The following GRIN2A variants were observed in gnomAD, a reference collection of about 807,000 sequenced individuals.
GRIN2A encodes the protein glutamate ionotropic receptor NMDA type subunit 2A, also known as glutamate receptor ionotropic, NMDA 2A.
A neutral mutation model predicts 113.4 loss-of-function variants in GRIN2A; 22 were observed. That is an observed-to-expected ratio of 0.19 (90% CI 0.14 to 0.28). The LOEUF is 0.28. GRIN2A is among the 10% of genes least tolerant of loss of function. The pLI is 1.00. For missense variants in GRIN2A, 1,502 were observed against 1,887.0 expected, an observed-to-expected ratio of 0.80 and a Z score of 3.78; for synonymous variants, 827 against 738.4, an observed-to-expected ratio of 1.12 and a Z score of -1.94.
intron 2 of GRIN2A, chr16:9,970,686 C>G (rs1042374949): frequency 1.6e-5 from 10 of 638,938 alleles, no homozygotes; most frequent in Non-Finnish European, 1.8e-5. Flanking sequence ...CTCTGATGAG[C>G]TAGACACAAA....
intron 2 of GRIN2A, among the ~76,000 whole-genome samples, chr16:9,966,032 A>C (rs189597746): frequency 6.6e-6 from 1 of 152,314 alleles, no homozygotes; most frequent in East Asian, 1.9e-4. Flanking sequence ...CCAGAATCTG[A>C]ATTTTAACTA....
intron 2 of GRIN2A, among the ~76,000 whole-genome samples, chr16:10,018,620 A>ATG (rs2046653297): frequency 6.6e-6 from 1 of 152,140 alleles, no homozygotes; most frequent in Admixed American, 6.5e-5. Flanking sequence ...CCTATTGCTG[A>ATG]TGCTGCACGA....
chr16:10,079,568 G>A (rs1212377512), intron 2 of GRIN2A, among the ~76,000 whole-genome samples: 1 of 152,190 alleles, frequency 6.6e-6, no homozygotes, highest in Non-Finnish European at 1.5e-5. Flanking sequence ...TTCATGCCCT[G>A]ATAAAAGAGG....
intron 4 of GRIN2A, among the ~76,000 whole-genome samples, chr16:9,883,437 A>T (rs2043523289): frequency 6.6e-6 from 1 of 152,240 alleles, no homozygotes; most frequent in South Asian, 2.1e-4. Context: ...ACTCTTACGA[A>T]TTAGTATACA....
chr16:9,815,948 A>C (rs562084255), intron 10 of GRIN2A, among the ~76,000 whole-genome samples: 2 of 152,382 alleles, frequency 1.3e-5, no homozygotes, highest in Admixed American at 1.3e-4. Flanking sequence ...AAAAGGAATA[A>C]AATTTTGGCA....
intron 2 of GRIN2A, among the ~76,000 whole-genome samples, chr16:10,098,818 G>A (rs2048342070): frequency 6.6e-6 from 1 of 152,112 alleles, no homozygotes; most frequent in South Asian, 2.1e-4. Context: ...AAAGGGTGGT[G>A]AGGAATAAAA....
chr16:9,917,008 T>C (rs2141569577), intron 3 of GRIN2A, among the ~76,000 whole-genome samples: 1 of 152,340 alleles, frequency 6.6e-6, no homozygotes. Context: ...AAACTGAGTC[T>C]ACCATGAGAA....
At chr16:10,122,248 A>G (rs1253747948) in intron 2 of GRIN2A, among the ~76,000 whole-genome samples, 1 of 152,244 alleles carries the variant, frequency 6.6e-6, no homozygotes, top group Non-Finnish European at 1.5e-5. Context: ...AACTCTGGCT[A>G]CAGGAGAAAC....
chr16:10,084,815 G>A (rs1014536677), intron 2 of GRIN2A, among the ~76,000 whole-genome samples: 2 of 151,110 alleles, frequency 1.3e-5, no homozygotes, highest in Non-Finnish European at 2.9e-5. Flanking sequence ...AGGGTAAAAG[G>A]ATATGGAGTG....
At chr16:10,045,162 G>A (rs1423587523) in intron 2 of GRIN2A, among the ~76,000 whole-genome samples, 1 of 152,150 alleles carries the variant, frequency 6.6e-6, no homozygotes, top group Non-Finnish European at 1.5e-5. Context: ...CTTCCTTGGT[G>A]CCTTCCATCA....
At chr16:9,872,288 C>T (rs920177321) in intron 4 of GRIN2A, among the ~76,000 whole-genome samples, 3 of 152,202 alleles carry the variant, frequency 2.0e-5, no homozygotes, top group Non-Finnish European at 2.9e-5. Context: ...TAACCCCAAA[C>T]AGCTCAGCTC....
In GRIN2A at chr16:9,947,419, G is replaced by A. The variant is rs572734683; in HGVS notation, c.415-8868C>T. Among the ~76,000 whole-genome samples the A allele has an allele frequency of 5.3e-5, 8 of 152,286 alleles. No individual in the cohort carries two copies. The South Asian group carries it at 6.2e-4, about 12-fold the overall frequency. ...AACCAGTCCCGTTCATTAAGTTTTCGTCTCCGGCTATCATACATAGAGGAG... is the reference window on the plus strand; with the variant it reads ...AACCAGTCCCGTTCATTAAGTTTTCATCTCCGGCTATCATACATAGAGGAG... On this transcript the variant is annotated intron_variant, in intron 2 of 12. Transcript: ENST00000330684.
At chr16:9,776,548 G>GA (rs1358855905) in intron 11 of GRIN2A, among the ~76,000 whole-genome samples, 1 of 152,050 alleles carries the variant, frequency 6.6e-6, no homozygotes, top group African/African-American at 2.4e-5. Flanking sequence ...AAGGGGTGAG[G>GA]AATAGATTCT....
At chr16:9,808,441 G>T (rs1485140213) in intron 10 of GRIN2A, among the ~76,000 whole-genome samples, 1 of 152,170 alleles carries the variant, frequency 6.6e-6, no homozygotes, top group Non-Finnish European at 1.5e-5. Context: ...GAAAGACAGG[G>T]ACTCTCAGGG....
At chr16:9,990,185 G>A (rs2046073469) in intron 2 of GRIN2A, among the ~76,000 whole-genome samples, 1 of 152,114 alleles carries the variant, frequency 6.6e-6, no homozygotes, top group Admixed American at 6.5e-5. Flanking sequence ...TATACACTAT[G>A]GAATGCTACA....
intron 2 of GRIN2A, among the ~76,000 whole-genome samples, chr16:9,949,984 A>G (rs950034966): frequency 5.9e-5 from 9 of 152,134 alleles, no homozygotes; most frequent in Non-Finnish European, 1.3e-4. Context: ...GTGAGAATCC[A>G]TTGCTACCCA....
At chr16:9,935,240 G>C (rs2044685977) in intron 3 of GRIN2A, among the ~76,000 whole-genome samples, 1 of 152,040 alleles carries the variant, frequency 6.6e-6, no homozygotes, top group South Asian at 2.1e-4. Context: ...TATTATGATG[G>C]AAGTGAGAAT....
intron 10 of GRIN2A, among the ~76,000 whole-genome samples, chr16:9,821,513 A>G (rs1000775538): frequency 2.6e-5 from 4 of 152,236 alleles, no homozygotes; most frequent in African/African-American, 7.2e-5. Context: ...AGAAGAGTCC[A>G]TGGAATAGAA....
chr16:9,896,748 A>T (rs2043815025), intron 3 of GRIN2A, among the ~76,000 whole-genome samples: 1 of 152,146 alleles, frequency 6.6e-6, no homozygotes, highest in Non-Finnish European at 1.5e-5. Flanking sequence ...GGCAGGGAGC[A>T]AGTACCTATT....
Sources: gnomAD v4.1 joint callset for allele counts (sites outside exome capture counted in the v4.1 genomes callset) on GRCh38, gnomAD v4.1.1 for gene constraint, MANE v1.5 for transcripts, NCBI Gene and HGNC (gene_info 2026-07-23, HGNC 2026-07-21) for gene names.